Variants in GRIK2 observed in about 807,000 individuals in gnomAD.
The protein encoded by GRIK2 is glutamate receptor ionotropic, kainate 2.
A neutral mutation model predicts 100.3 loss-of-function variants in GRIK2; 32 were observed. The ratio of observed to expected loss-of-function variants is 0.32; its 90% CI spans 0.24 to 0.43. The LOEUF (loss-of-function observed/expected upper bound fraction) is 0.43. Among genes scored for constraint, GRIK2 ranks in the 20% least tolerant of loss-of-function variants. The pLI is 1.00. For synonymous variants in GRIK2, 417 were observed against 389.4 expected, an observed-to-expected ratio of 1.07 and a Z score of -0.83; for missense variants, 843 against 1,114.9, an observed-to-expected ratio of 0.76 and a Z score of 3.47.
At chr6:101,856,389 A>G (rs1784428431) in intron 10 of GRIK2, among the ~76,000 whole-genome samples, 1 of 152,206 alleles carries the variant, frequency 6.6e-6, no homozygotes, top group Non-Finnish European at 1.5e-5. Flanking sequence ...AATGTCTATG[A>G]GACATAAAAT....
intron 2 of GRIK2, among the ~76,000 whole-genome samples, chr6:101,571,524 C>T (rs781605931): frequency 6.6e-6 from 1 of 152,032 alleles, no homozygotes; most frequent in African/African-American, 2.4e-5. Context: ...GCAAAGGGAA[C>T]AACTAAATTG....
intron 7 of GRIK2, among the ~76,000 whole-genome samples, chr6:101,788,668 C>T (rs1779606789): frequency 6.6e-6 from 1 of 152,282 alleles, no homozygotes; most frequent in Non-Finnish European, 1.5e-5. Context: ...CTGCAATAAA[C>T]ATACATGTGC....
Position 101,751,840 on chromosome 6 carries a change from T to G in GRIK2, c.952-47808T>G, listed in dbSNP as rs191412488. On this transcript the variant is annotated intron_variant, in intron 7 of 16. Coordinates refer to ENST00000369134, the MANE Select transcript of GRIK2 (RefSeq NM_021956.5). ...TGCAAAATTACTTCATAGATGATAC[T>G]GTCTTCTTCCCTCAGAAGGTTGTTA... 1.9e-4 allele frequency among the ~76,000 whole-genome samples: 29 copies of G among 152,348 alleles called. No individual in the cohort carries two copies. In the Middle Eastern group the frequency reaches 0.01, roughly 54 times the overall value.
chr6:101,721,652 CTCT>C (rs1168838129), intron 7 of GRIK2, among the ~76,000 whole-genome samples: 4 of 151,866 alleles, frequency 2.6e-5, no homozygotes, highest in African/African-American at 9.7e-5. Flanking sequence ...ACTGCATATT[CTCT>C]TCTTTAATAA....
chr6:101,865,901 A>G lies in GRIK2; in HGVS notation c.1524+6408A>G, dbSNP rs187634152. On this transcript the variant is annotated intron_variant, in intron 11 of 16. Coordinates refer to ENST00000369134, the MANE Select transcript of GRIK2 (RefSeq NM_021956.5). Reference sequence around the variant, plus strand: ...GAGACCCCGTCTCAAAAAAAAAGAAAAAAAAAAAAGAAAGAAATACAAATA... The same window carrying G: ...GAGACCCCGTCTCAAAAAAAAAGAAGAAAAAAAAAGAAAGAAATACAAATA... Among the ~76,000 whole-genome samples, 138 of 151,866 alleles carry G rather than the reference A, an allele frequency of 9.1e-4. 1 individual carries two copies. The highest frequency in any genetic ancestry group is 3.0e-3 in the African/African-American group (126 of 41,488).
intron 2 of GRIK2, among the ~76,000 whole-genome samples, chr6:101,410,058 A>T (rs1158303853): frequency 2.6e-5 from 4 of 152,102 alleles, no homozygotes; most frequent in African/African-American, 9.7e-5. Flanking sequence ...TTCCTTAAAC[A>T]TCATGACTTT....
At chr6:101,698,905 G>C (rs1772683915) in intron 7 of GRIK2, among the ~76,000 whole-genome samples, 1 of 152,094 alleles carries the variant, frequency 6.6e-6, no homozygotes. Context: ...GACACAACTT[G>C]AGAATGTTAT....
chr6:101,907,194 T>C (rs1582506009), intron 12 of GRIK2, among the ~76,000 whole-genome samples: 1 of 151,718 alleles, frequency 6.6e-6, no homozygotes, highest in Non-Finnish European at 1.5e-5. Flanking sequence ...TTTTATTTTC[T>C]AATACAAAGT....
In GRIK2 at chr6:101,732,620, G is replaced by A. The variant is rs114978567; in HGVS notation, c.951+46267G>A. Among the ~76,000 whole-genome samples the A allele has an allele frequency of 3.4e-3, 514 of 152,162 alleles. 3 individuals carry two copies. The highest frequency in any genetic ancestry group is 0.012 in the African/African-American group (490 of 41,522). ...ACTTTGCCTCTGTGTTTTCATTAAT[G>A]GAATTTTTATTAGAACTTAATATTT... On this transcript the variant is annotated intron_variant, in intron 7 of 16. Transcript: ENST00000369134.
At chr6:102,000,730 G>C (rs1018267410) in intron 14 of GRIK2, among the ~76,000 whole-genome samples, 1 of 151,986 alleles carries the variant, frequency 6.6e-6, no homozygotes, top group Non-Finnish European at 1.5e-5. Context: ...ATCTACAATG[G>C]TGTCACTTCT....
At chr6:101,395,108 G>T (rs981535044) in intron 1 of GRIK2, among the ~76,000 whole-genome samples, 3 of 152,160 alleles carry the variant, frequency 2.0e-5, no homozygotes, top group African/African-American at 7.2e-5. Context: ...GAATCATAAG[G>T]GATACCACAG....
In GRIK2 at chr6:101,795,952, G is replaced by A. The variant is rs139077209; in HGVS notation, c.952-3696G>A. On this transcript the variant is annotated intron_variant, in intron 7 of 16. Coordinates refer to ENST00000369134, the MANE Select transcript of GRIK2 (RefSeq NM_021956.5). ...TCTCTACCTTTTCTTATTTTGCAGT[G>A]CATTTTCATTATGTATTTATGAAAA... Among the ~76,000 whole-genome samples the A allele has an allele frequency of 5.6e-3, 855 of 152,220 alleles. 3 individuals are homozygous for A. The highest frequency in any genetic ancestry group is 0.01 in the Middle Eastern group (3 of 294).
At chr6:101,979,859 T>C (rs995595018) in intron 14 of GRIK2, among the ~76,000 whole-genome samples, 1 of 151,988 alleles carries the variant, frequency 6.6e-6, no homozygotes, top group Non-Finnish European at 1.5e-5. Flanking sequence ...AGCGAGCGCT[T>C]AGTCTCTGTC....
At chr6:102,049,792 T>C (rs1248779015) in intron 15 of GRIK2, among the ~76,000 whole-genome samples, 3 of 152,116 alleles carry the variant, frequency 2.0e-5, no homozygotes, top group Non-Finnish European at 4.4e-5. Flanking sequence ...GATTAAAGCA[T>C]ACAGAAGCTT....
chr6:101,913,854 C>T (rs963335250), intron 12 of GRIK2, among the ~76,000 whole-genome samples: 2 of 151,362 alleles, frequency 1.3e-5, no homozygotes, highest in Non-Finnish European at 3.0e-5. Context: ...CTTGTTAGAG[C>T]ATAGTAGAAA....
chr6:101,706,393 T>C (rs1337813538), intron 7 of GRIK2, among the ~76,000 whole-genome samples: 1 of 151,980 alleles, frequency 6.6e-6, no homozygotes, highest in Non-Finnish European at 1.5e-5. Context: ...CTCATATTGT[T>C]GTATATTTAC....
intron 16 of GRIK2, among the ~76,000 whole-genome samples, chr6:102,063,028 T>C (rs1771833070): frequency 6.6e-6 from 1 of 150,602 alleles, no homozygotes; most frequent in Admixed American, 6.6e-5. Context: ...CAGAAATTAA[T>C]TGGAGAGTGT....
intron 10 of GRIK2, among the ~76,000 whole-genome samples, chr6:101,825,695 G>A (rs922229254): frequency 2.0e-5 from 3 of 151,858 alleles, no homozygotes; most frequent in Non-Finnish European, 4.4e-5. Flanking sequence ...ATACTAAAAT[G>A]GTTGAAGACT....
chr6:101,444,042 G>A (rs1270539597), intron 2 of GRIK2, among the ~76,000 whole-genome samples: 1 of 151,256 alleles, frequency 6.6e-6, no homozygotes, highest in Non-Finnish European at 1.5e-5. Context: ...GCACTACCGT[G>A]CCCAGCCCAG....
Sources: gnomAD v4.1 joint callset for allele counts (sites outside exome capture counted in the v4.1 genomes callset) on GRCh38, gnomAD v4.1.1 for gene constraint, MANE v1.5 for transcripts, NCBI Gene and HGNC (gene_info 2026-07-23, HGNC 2026-07-21) for gene names.